The following CHN2 variants were observed in gnomAD, a reference collection of about 807,000 sequenced individuals.
CHN2 encodes chimerin 2, also known as beta-chimaerin.
Under a neutral mutation model 56.3 loss-of-function variants are expected in CHN2, and 35 were observed. That is an observed-to-expected ratio of 0.62 (90% CI 0.47 to 0.82). The LOEUF (loss-of-function observed/expected upper bound fraction) is 0.82, where lower values mean the gene tolerates loss of function less well. CHN2 is among the 40% of genes least tolerant of loss of function. The pLI is 0.00. For synonymous variants in CHN2, 210 were observed against 212.8 expected (o/e 0.99, Z 0.12); for missense variants, 491 against 580.5 (o/e 0.85, Z 1.58).
chr7:29,222,941 T>A (rs1220297520), intron 1 of CHN2, among the ~76,000 whole-genome samples: 1 of 152,172 alleles, frequency 6.6e-6, no homozygotes, highest in Non-Finnish European at 1.5e-5. Flanking sequence ...CAGTAATGGT[T>A]ACAGATATAT....
intron 1 of CHN2, among the ~76,000 whole-genome samples, chr7:29,329,463 C>T (rs1796057136): frequency 6.9e-6 from 1 of 144,512 alleles, no homozygotes; most frequent in Non-Finnish European, 1.5e-5. Context: ...AGATTTTTCT[C>T]ATTTTTTGAT....
chr7:29,239,674 T>C (rs1285024066), intron 1 of CHN2, among the ~76,000 whole-genome samples: 2 of 152,214 alleles, frequency 1.3e-5, no homozygotes, highest in Non-Finnish European at 2.9e-5. Flanking sequence ...TCTTCCCACA[T>C]TCTGATCTGA....
At chr7:29,176,061 C>T (rs1190327610) in intron 2 of CHN2, among the ~76,000 whole-genome samples, 1 of 152,052 alleles carries the variant, frequency 6.6e-6, no homozygotes, top group Non-Finnish European at 1.5e-5. Flanking sequence ...TGGTGGGCGC[C>T]TGTAGTCCCA....
At chr7:29,404,272 G>A (rs1802455903) in intron 6 of CHN2, among the ~76,000 whole-genome samples, 1 of 152,052 alleles carries the variant, frequency 6.6e-6, no homozygotes, top group African/African-American at 2.4e-5. Flanking sequence ...ATAATAACTA[G>A]TATTTTCTTA....
At chr7:29,346,642 T>A (rs1797461785) in intron 1 of CHN2, among the ~76,000 whole-genome samples, 1 of 152,216 alleles carries the variant, frequency 6.6e-6, no homozygotes, top group South Asian at 2.1e-4. Context: ...AAATAGGTCA[T>A]CTTCAACTTC....
intron 6 of CHN2, among the ~76,000 whole-genome samples, chr7:29,416,179 C>T (rs971374747): frequency 1.3e-5 from 2 of 152,200 alleles, no homozygotes; most frequent in Non-Finnish European, 2.9e-5. Context: ...TGTTTGCATT[C>T]TTTCTTCATT....
At chr7:29,416,971 G>A (rs779867633) in intron 6 of CHN2, among the ~76,000 whole-genome samples, 11 of 152,304 alleles carry the variant, frequency 7.2e-5, no homozygotes, top group East Asian at 1.9e-4. Context: ...TGGTTAGAGC[G>A]TGGGCTTCAG....
intron 6 of CHN2, among the ~76,000 whole-genome samples, chr7:29,423,762 G>A (rs1804574213): frequency 1.3e-5 from 2 of 152,174 alleles, no homozygotes; most frequent in Admixed American, 6.5e-5. Flanking sequence ...ACTTCCCCCT[G>A]GGCTTACGTC....
intron 1 of CHN2, chr7:29,213,208 A>T (rs1785087368): frequency 3.4e-6 from 4 of 1,189,004 alleles, no homozygotes; most frequent in Non-Finnish European, 5.0e-6. Context: ...CAACCTGAAG[A>T]TGTGTGAAGA....
intron 1 of CHN2, among the ~76,000 whole-genome samples, chr7:29,209,879 G>A (rs558525681): frequency 8.5e-5 from 13 of 152,170 alleles, no homozygotes; most frequent in Non-Finnish European, 1.8e-4. Flanking sequence ...ACAGGCAGAG[G>A]GTTTTGGAGA....
intron 1 of CHN2, among the ~76,000 whole-genome samples, chr7:29,340,186 A>C (rs1047012370): frequency 2.0e-5 from 3 of 152,186 alleles, no homozygotes; most frequent in Non-Finnish European, 2.9e-5. Flanking sequence ...GAAGAAAGCA[A>C]TATTTCTAAA....
intron 2 of CHN2, among the ~76,000 whole-genome samples, chr7:29,355,351 T>C (rs1798214048): frequency 6.6e-6 from 1 of 152,138 alleles, no homozygotes; most frequent in African/African-American, 2.4e-5. Context: ...GGCCAATCAT[T>C]CTAAGGATAA....
At chr7:29,255,706 G>A (rs1271499923) in intron 1 of CHN2, among the ~76,000 whole-genome samples, 2 of 152,188 alleles carry the variant, frequency 1.3e-5, no homozygotes, top group African/African-American at 4.8e-5. Context: ...CAAACAAACA[G>A]CCATGATTGA....
At chr7:29,301,730 T>C (rs2128878131) in intron 1 of CHN2, among the ~76,000 whole-genome samples, 1 of 152,284 alleles carries the variant, frequency 6.6e-6, no homozygotes, top group African/African-American at 2.4e-5. Context: ...TGCACTAAAA[T>C]GAGAGCACTC....
intron 3 of CHN2, among the ~76,000 whole-genome samples, chr7:29,381,478 G>C (rs1282092407): frequency 6.6e-6 from 1 of 152,158 alleles, no homozygotes; most frequent in African/African-American, 2.4e-5. Flanking sequence ...GTGGGTGAAA[G>C]TGAGCTGCTG....
chr7:29,492,697 A>G (rs1313179730), intron 7 of CHN2, among the ~76,000 whole-genome samples: 3 of 152,196 alleles, frequency 2.0e-5, no homozygotes, highest in African/African-American at 7.2e-5. Context: ...TTCCTGATAG[A>G]GGAGGTACCC....
At chr7:29,402,242 T>C (rs1164184009) in intron 6 of CHN2, among the ~76,000 whole-genome samples, 1 of 152,182 alleles carries the variant, frequency 6.6e-6, no homozygotes, top group East Asian at 1.9e-4. Context: ...GATTTGCTGA[T>C]TGAGCTTCAG....
intron 6 of CHN2, among the ~76,000 whole-genome samples, chr7:29,453,151 A>G (rs1942829251): frequency 6.6e-6 from 1 of 152,192 alleles, no homozygotes; most frequent in South Asian, 2.1e-4. Context: ...GCATCTCACA[A>G]TATGAGTTAG....
Position 29,262,262 on chromosome 7 carries a change from A to G in CHN2, c.49+67272A>G, listed in dbSNP as rs1789615212. On this transcript the variant is annotated intron_variant, in intron 1 of 12. Coordinates refer to ENST00000222792, the MANE Select transcript of CHN2 (RefSeq NM_004067.4). ...AGTACTAGTTTGATAAGATACTTAG[A>G]AGGAAAACTTCAGGTATTTGGAATT... 3.3e-5 allele frequency among the ~76,000 whole-genome samples: 5 copies of G among 152,206 alleles called. No individual in the cohort carries two copies. In the South Asian group the frequency reaches 1.0e-3, roughly 32 times the overall value.
Sources: gnomAD v4.1 joint callset for allele counts (sites outside exome capture counted in the v4.1 genomes callset) on GRCh38, gnomAD v4.1.1 for gene constraint, MANE v1.5 for transcripts, NCBI Gene and HGNC (gene_info 2026-07-23, HGNC 2026-07-21) for gene names.